FSTL3: variants seen among roughly 807,000 people sequenced by gnomAD.
The protein encoded by FSTL3 is follistatin like 3.
FSTL3 carries 21 observed loss-of-function variants against 28.1 expected under a neutral mutation model. That is an observed-to-expected ratio of 0.75 (90% CI 0.53 to 1.08). The LOEUF is 1.08. Ranked by LOEUF, FSTL3 falls within the 50% of genes least tolerant of loss-of-function variation. The pLI, the probability that FSTL3 is intolerant of heterozygous loss-of-function variation, is 0.00. For missense variants in FSTL3, 400 were observed against 380.9 expected (o/e 1.05, Z -0.42); for synonymous variants, 199 against 164.2 (o/e 1.21, Z -1.62).
chr19:678,526 C>T (rs35608161), intron 2 of FSTL3, among the ~76,000 whole-genome samples: 46,827 of 70,590 alleles, frequency 0.66, 13,693 homozygotes, highest in Middle Eastern at 0.7. Flanking sequence ...TTTTTTTTTT[C>T]CTGAGATGGA....
Position 680,348 on chromosome 19 carries a change from G to A in FSTL3, c.364G>A (p.Ala122Thr). The part of the protein sequence containing the change: ...MLGGRPRCEC[A>T]PDCSGLPARL... Reference sequence around the variant, plus strand: ...GGGGGGCCGCCCGCGCTGCGAGTGCGCGCCCGACTGCTCGGGGCTCCCGGC... The same window carrying A: ...GGGGGGCCGCCCGCGCTGCGAGTGCACGCCCGACTGCTCGGGGCTCCCGGC... The change falls in exon 3 of 5, where the codon GCG becomes ACG. Residue 122 changes from alanine to threonine, a missense_variant. Physicochemically the swap from Ala to Thr is moderately conservative, Grantham distance 58. Coordinates refer to ENST00000166139, the MANE Select transcript of FSTL3 (RefSeq NM_005860.3). 2.3e-6 allele frequency: 3 copies of A among 1,281,596 alleles called. No homozygotes were observed. The highest frequency in any genetic ancestry group is 2.0e-6 in the Non-Finnish European group (2 of 1,017,580). 79.4% of individuals were successfully genotyped at this position (1,281,596 alleles called of 1,614,324 possible). A position where few individuals can be genotyped will look rare whatever the true frequency, so the allele number is the denominator to read the frequency against.
At position 681,799 on chromosome 19, in the gene FSTL3, G is replaced by A; in HGVS notation, c.*91G>A. 1 of 1,144,724 alleles carries A rather than the reference G, an allele frequency of 8.7e-7. No homozygotes were observed. Among genetic ancestry groups the A allele is most frequent in the Admixed American group, 2.0e-5 (1 of 50,250 alleles). 70.9% of individuals were successfully genotyped at this position (1,144,724 alleles called of 1,614,324 possible). On this transcript the variant is annotated 3_prime_UTR_variant, in exon 5 of 5. Transcript: ENST00000166139. ...AGCAGAGTCTAATTTATATGCCACG[G>A]ACACTCCTTAGAGCCCGGATTCGGA...
chr19:681,094 T>G (rs898080550), intron 3 of FSTL3, among the ~76,000 whole-genome samples: 1 of 146,034 alleles, frequency 6.8e-6, no homozygotes, highest in African/African-American at 2.5e-5. Context: ...TTGGGTAGCA[T>G]AAGGGGCAGG....
In FSTL3 at chr19:677,937, C is replaced by A. The variant is rs769402462; in HGVS notation, c.249C>A (p.Leu83=). The A allele has an allele frequency of 1.2e-6, 2 of 1,613,596 alleles. No homozygotes were observed. Among genetic ancestry groups the A allele is most frequent in the Non-Finnish European group, 1.7e-6 (2 of 1,180,002 alleles). Reference sequence around the variant, plus strand: ...CCCACCCGGGGAACAAGATCAACCTCCTCGGCTTCTTGGGCCTTGTCCACT... The same window carrying A: ...CCCACCCGGGGAACAAGATCAACCTACTCGGCTTCTTGGGCCTTGTCCACT... ...NLTHPGNKIN[L]LGFLGLVHCL... is the part of the protein sequence containing the mutation. Residue 83 remains leucine, a synonymous_variant, in exon 2 of 5, where the codon CTC becomes CTA. Coordinates refer to ENST00000166139, the MANE Select transcript of FSTL3 (RefSeq NM_005860.3).
In FSTL3 at chr19:677,816, G is replaced by T; in HGVS notation, c.128G>T (p.Gly43Val). The T allele has an allele frequency of 6.2e-7, 1 of 1,611,102 alleles. No individual in the cohort carries two copies. The highest frequency in any genetic ancestry group is 1.1e-5 in the South Asian group (1 of 91,078). The change falls in exon 2 of 5, where the codon GGC (glycine) becomes GTC (valine). Residue 43 changes from glycine (G) to valine (V), a missense_variant. Gly to Val is a moderately radical substitution (Grantham distance 109). Coordinates refer to ENST00000166139, the MANE Select transcript of FSTL3 (RefSeq NM_005860.3). ...GGTGGTGTTTGCTGGCTCCAGCAGG[G>T]CCAGGAGGCCACCTGCAGCCTGGTG... ...APGGVCWLQQ[G>V]QEATCSLVLQ...
At position 680,481 on chromosome 19, in the gene FSTL3, G is replaced by T. The variant is rs1032479017; in HGVS notation, c.497G>T (p.Arg166Leu). The T allele has an allele frequency of 6.4e-6, 8 of 1,248,992 alleles. No individual in the cohort carries two copies. In the African/African-American group the frequency reaches 7.8e-5, roughly 12 times the overall value. 77.4% of individuals were successfully genotyped at this position (1,248,992 alleles called of 1,614,324 possible). The part of the protein sequence containing the change: ...HPDLSVMYRG[R>L]CRKSCEHVVC... ...GACCTGAGCGTCATGTACCGGGGCC[G>T]CTGCCGCAGTACGTGGGGGCGTGGT... The change falls in exon 3 of 5, where the codon CGC (arginine) becomes CTC (leucine). Residue 166 changes from arginine (R) to leucine (L), a missense_variant. Arg to Leu is a moderately radical substitution (Grantham distance 102, BLOSUM62 -2). Coordinates refer to ENST00000166139, the MANE Select transcript of FSTL3 (RefSeq NM_005860.3).
At chr19:677,355 G>T (rs1030500041) in intron 1 of FSTL3, among the ~76,000 whole-genome samples, 2 of 151,888 alleles carry the variant, frequency 1.3e-5, no homozygotes, top group South Asian at 2.1e-4. Context: ...GCGGTGGGGG[G>T]GCTGCCAGGC....
chr19:681,603 G>A (rs753365926), intron 4 of FSTL3, 43 bp downstream of exon 4: 2 of 1,595,094 alleles, frequency 1.3e-6, no homozygotes, highest in Non-Finnish European at 1.7e-6. Context: ...CTGGGGGCCG[G>A]AGAACCCCCT....
chr19:677,557 G>C (rs1490717327), intron 1 of FSTL3, among the ~76,000 whole-genome samples: 1 of 151,536 alleles, frequency 6.6e-6, no homozygotes, highest in Non-Finnish European at 1.5e-5. Context: ...TGGGGTGGGT[G>C]GGGGTTGGTG....
chr19:678,606 G>A (rs1238653901), intron 2 of FSTL3, among the ~76,000 whole-genome samples: 2 of 149,384 alleles, frequency 1.3e-5, no homozygotes, highest in African/African-American at 2.5e-5. Context: ...GGCCTCCGAG[G>A]TTCAGGTGAT....
In FSTL3 at chr19:680,391, G is replaced by A. The variant is rs1453022038; in HGVS notation, c.407G>A (p.Gly136Asp). Residue 136 changes from glycine to aspartate, a missense_variant, in exon 3 of 5, where the codon GGC (glycine) becomes GAC (aspartate). Coordinates refer to ENST00000166139, the MANE Select transcript of FSTL3 (RefSeq NM_005860.3). ...CTCCCGGCGCGGCTGCAGGTCTGCG[G>A]CTCAGACGGCGCCACCTACCGCGAC... ...SGLPARLQVC[G>D]SDGATYRDEC... is the part of the protein sequence containing the mutation. The A allele has an allele frequency of 2.3e-6, 3 of 1,278,418 alleles. No homozygotes were observed. The highest frequency in any genetic ancestry group is 3.0e-6 in the Non-Finnish European group (3 of 1,015,370). The allele number at this position is 1,278,418 out of a possible 1,614,324, so 79.2% of individuals were successfully genotyped here. A position where few individuals can be genotyped will look rare whatever the true frequency, so the allele number is the denominator to read the frequency against.
rs1259423911 is a variant in FSTL3 at position 680,265 on chromosome 19, T to C, written c.290-9T>C. 1 of 1,335,468 alleles carries C rather than the reference T, an allele frequency of 7.5e-7. No individual in the cohort carries two copies. Among genetic ancestry groups the C allele is most frequent in the East Asian group, 3.3e-5 (1 of 30,168 alleles). The allele number at this position is 1,335,468 out of a possible 1,614,324, so 82.7% of individuals were successfully genotyped here. ...CGCCCGGCCCCACGCGCGTGTCCTC[T>C]GTCCGCAGATTCGTGCGACGGCGTG... On this transcript the variant is annotated splice_polypyrimidine_tract_variant and intron_variant, in intron 2 of 4. Transcript: ENST00000166139.
intron 1 of FSTL3, among the ~76,000 whole-genome samples, chr19:676,904 CGA>C (rs71333301): frequency 0.37 from 55,799 of 151,822 alleles, 12,393 homozygotes; most frequent in Non-Finnish European, 0.5. Context: ...GTCCTGGTGC[CGA>C]GAGGTAGTGC....
rs755229140 is a variant in FSTL3 at position 677,888 on chromosome 19, T to C, written c.200T>C (p.Ile67Thr). The change falls in exon 2 of 5, where the codon ATT (isoleucine) becomes ACT (threonine). Residue 67 changes from isoleucine to threonine, a missense_variant. Ile to Thr is a moderately conservative substitution (Grantham distance 89). Coordinates refer to ENST00000166139, the MANE Select transcript of FSTL3 (RefSeq NM_005860.3). ...TRAECCASGN[I>T]DTAWSNLTHP... Reference sequence around the variant, plus strand: ...GCCGAGTGCTGTGCCTCCGGCAACATTGACACCGCCTGGTCCAACCTCACC... The same window carrying C: ...GCCGAGTGCTGTGCCTCCGGCAACACTGACACCGCCTGGTCCAACCTCACC... The C allele has an allele frequency of 6.8e-6, 11 of 1,613,378 alleles. No individual in the cohort carries two copies. The highest frequency in any genetic ancestry group is 2.7e-5 in the African/African-American group (2 of 74,930).
rs377706967 is a variant in FSTL3 at position 681,984 on chromosome 19, A to G, written c.*276A>G. The G allele has an allele frequency of 1.7e-4, 92 of 546,824 alleles. No homozygotes were observed. Among genetic ancestry groups the G allele is most frequent in the African/African-American group, 1.6e-3 (85 of 53,268 alleles). 33.9% of individuals were successfully genotyped at this position (546,824 alleles called of 1,614,324 possible). A position where few individuals can be genotyped will look rare whatever the true frequency, so the allele number is the denominator to read the frequency against. On this transcript the variant is annotated 3_prime_UTR_variant, in exon 5 of 5. Coordinates refer to ENST00000166139, the MANE Select transcript of FSTL3 (RefSeq NM_005860.3). ...TGCCCCAGCCCCTACCCTAAGACCT[A>G]TTGCCGGGGAGGATTCCACACTTCC...
At chr19:677,428 C>T (rs1006029749) in intron 1 of FSTL3, among the ~76,000 whole-genome samples, 1 of 152,004 alleles carries the variant, frequency 6.6e-6, no homozygotes, top group African/African-American at 2.4e-5. Context: ...GCGGGAGAAG[C>T]GGCTCCAGGG....
intron 2 of FSTL3, among the ~76,000 whole-genome samples, chr19:678,234 T>C (rs1005991382): frequency 1.3e-5 from 2 of 152,212 alleles, no homozygotes; most frequent in African/African-American, 2.4e-5. Context: ...CCTGGGTGGC[T>C]CTTCCCACCT....
intron 2 of FSTL3, among the ~76,000 whole-genome samples, chr19:679,660 G>A (rs991399566): frequency 2.6e-5 from 4 of 152,190 alleles, no homozygotes; most frequent in African/African-American, 4.8e-5. Flanking sequence ...GGACCCCAGA[G>A]AGAGCTTCCC....
chr19:681,717 G>T lies in FSTL3; in HGVS notation c.*9G>T. The T allele has an allele frequency of 6.4e-7, 1 of 1,552,444 alleles. No homozygotes were observed. The highest frequency in any genetic ancestry group is 1.2e-5 in the South Asian group (1 of 84,454). ...AAGAGAACTTCGTGTGAGCCTGCAG[G>T]ACAGGCCTGGGCCTGGTGCCCGAGG... On this transcript the variant is annotated 3_prime_UTR_variant, in exon 5 of 5. Transcript: ENST00000166139.
Sources: allele counts gnomAD v4.1 joint callset (sites outside exome capture counted in the v4.1 genomes callset), GRCh38; gene constraint gnomAD v4.1.1; transcripts MANE v1.5; gene names NCBI Gene and HGNC (gene_info 2026-07-23, HGNC 2026-07-21).